Variants in SLC39A13 observed in about 807,000 individuals in gnomAD.
The protein encoded by SLC39A13 is solute carrier family 39 member 13.
A neutral mutation model predicts 38.7 loss-of-function variants in SLC39A13; 18 were observed. The ratio of observed to expected loss-of-function variants is 0.47; its 90% CI spans 0.32 to 0.69. The LOEUF is 0.69. SLC39A13 is among the 30% of genes least tolerant of loss of function. The pLI is 0.03. For synonymous variants in SLC39A13, 212 were observed against 219.1 expected, an observed-to-expected ratio of 0.97 and a Z score of 0.29; for missense variants, 395 against 490.7, an observed-to-expected ratio of 0.80 and a Z score of 1.84.
Position 47,415,678 on chromosome 11 carries a change from C to G in SLC39A13, c.*315C>G, listed in dbSNP as rs558094013. The G allele has an allele frequency of 8.6e-6, 4 of 464,374 alleles. 1 individual carries two copies. In the Admixed American group the frequency reaches 1.3e-4, roughly 15 times the overall value. 28.8% of individuals were successfully genotyped at this position (464,374 alleles called of 1,614,324 possible). A position where few individuals can be genotyped will look rare whatever the true frequency, so the allele number is the denominator to read the frequency against. On this transcript the variant is annotated 3_prime_UTR_variant, in exon 10 of 10. Coordinates refer to ENST00000362021, the MANE Select transcript of SLC39A13 (RefSeq NM_001128225.3). ...GAGTAAGCAGCGAGGAAGAGCAGCA[C>G]TGGTCCCAAGCAGAGGCCTTGCCCT... is the stretch of plus-strand genomic sequence containing the variant.
At chr11:47,412,324 C>G (rs1160106491) in intron 3 of SLC39A13, 22 bp from the exon 4 acceptor site, 1 of 1,608,044 alleles carries the variant, frequency 6.2e-7, no homozygotes, top group African/African-American at 1.3e-5. Context: ...CTGGCCTGGC[C>G]TGGCATTGCC....
intron 4 of SLC39A13, 54 bp downstream of exon 4, chr11:47,412,521 C>A: frequency 5.0e-6 from 8 of 1,611,898 alleles, no homozygotes; most frequent in Non-Finnish European, 5.1e-6. Flanking sequence ...TGTGGTAGTG[C>A]CCGGGGCCTG....
Position 47,413,480 on chromosome 11 carries a change from C to T in SLC39A13, c.618C>T (p.Gly206=). The T allele has an allele frequency of 1.9e-6, 3 of 1,614,076 alleles. No homozygotes were observed. The highest frequency in any genetic ancestry group is 2.5e-6 in the Non-Finnish European group (3 of 1,179,996). Residue 206 remains glycine (G), a synonymous_variant, in exon 5 of 10, where the codon GGC becomes GGT. Transcript: ENST00000362021. ...TGGCCCAGCCGGCTGCAGAGCCCGG[C>T]CTCGGTGCCGTGGTCCGGAGCATCA... The part of the protein sequence containing the change: ...HCLAQPAAEP[G]LGAVVRSIKV...
intron 2 of SLC39A13, among the ~76,000 whole-genome samples, chr11:47,411,349 A>G (rs1240642608): frequency 6.6e-6 from 1 of 152,210 alleles, no homozygotes; most frequent in Non-Finnish European, 1.5e-5. Context: ...TCACAGCTGT[A>G]ATCTCAGCAG....
At chr11:47,409,719 G>T in intron 1 of SLC39A13, 1 of 288,362 alleles carries the variant, frequency 3.5e-6, no homozygotes, top group Non-Finnish European at 6.7e-6. Context: ...AGTCTCTGGG[G>T]TGTCGCGGGC....
At position 47,413,930 on chromosome 11, in the gene SLC39A13, C is replaced by T. The variant is rs2096012534; in HGVS notation, c.735+244C>T. ...GTCAAGCTGCTAGGCGTGGCCCCTG[C>T]CTGCTCCTAGATGCTTCTTCCTCTA... On this transcript the variant is annotated intron_variant, in intron 6 of 9. Coordinates refer to ENST00000362021, the MANE Select transcript of SLC39A13 (RefSeq NM_001128225.3). 7.1e-6 allele frequency: 5 copies of T among 705,580 alleles called. No individual in the cohort carries two copies. The East Asian group carries it at 1.1e-4, about 15-fold the overall frequency. The allele number at this position is 705,580 out of a possible 1,614,324, so 43.7% of individuals were successfully genotyped here.
Position 47,415,496 on chromosome 11 carries a change from G to A in SLC39A13, c.*133G>A. On this transcript the variant is annotated 3_prime_UTR_variant, in exon 10 of 10. Transcript: ENST00000362021. ...TGAGCCTCCCGCCAGACAGGAGGGA[G>A]GTGCGTGTGGATGTATGTGGTGTGC... 1.0e-6 allele frequency: 1 copy of A among 988,802 alleles called. No individual in the cohort carries two copies. Among genetic ancestry groups the A allele is most frequent in the Non-Finnish European group, 1.6e-6 (1 of 636,162 alleles). The allele number at this position is 988,802 out of a possible 1,614,324, so 61.3% of individuals were successfully genotyped here. A position where few individuals can be genotyped will look rare whatever the true frequency, so the allele number is the denominator to read the frequency against.
chr11:47,409,525 G>A (rs549882777), intron 1 of SLC39A13: 1 of 163,104 alleles, frequency 6.1e-6, no homozygotes, highest in Non-Finnish European at 1.3e-5. Flanking sequence ...CTATACAAGA[G>A]AGAGGCATCC....
At chr11:47,408,557 C>T (rs2095981113), upstream of SLC39A13, 1 of 146,348 alleles carries the variant, frequency 6.8e-6, no homozygotes, top group Admixed American at 6.8e-5. Context: ...GGCCCCGGGC[C>T]GGGGGCCGGG....
In SLC39A13 at chr11:47,412,215, TG is replaced by T. The variant is rs1317822626; in HGVS notation, c.416-128del. 4 of 1,366,286 alleles carry T rather than the reference TG, an allele frequency of 2.9e-6. No homozygotes were observed. The African/African-American group carries it at 5.7e-5, about 20-fold the overall frequency. The allele number at this position is 1,366,286 out of a possible 1,614,324, so 84.6% of individuals were successfully genotyped here. ...TGGGCCCTGGTCCCAGTGGGAGTTC[TG>T]GGCCCCAGCTGCCCAACCCACCCTT... On this transcript the variant is annotated intron_variant, in intron 3 of 9. Transcript: ENST00000362021.
intron 4 of SLC39A13, 39 bp from the exon 5 acceptor site, chr11:47,413,361 G>A (rs757888504): frequency 1.5e-5 from 24 of 1,591,530 alleles, no homozygotes; most frequent in Middle Eastern, 1.7e-4. Context: ...TGAGTGGGGG[G>A]CATCTAATGT....
rs751912734 is a variant in SLC39A13 at position 47,414,825 on chromosome 11, G to A, written c.835G>A (p.Ala279Thr). The part of the protein sequence containing the change: ...LLRAGFDRWS[A>T]AKLQLSTALG... The stretch of plus-strand genomic sequence containing the variant: ...CCGGGCCGGCTTTGACCGATGGAGC[G>A]CAGCCAAGCTGCAACTCTCAACAGC... The change falls in exon 8 of 10, where the codon GCA becomes ACA. Residue 279 changes from alanine (A) to threonine (T), a missense_variant. Ala to Thr is a moderately conservative substitution (Grantham distance 58, BLOSUM62 0). Transcript: ENST00000362021. The A allele has an allele frequency of 1.1e-5, 17 of 1,612,078 alleles. No homozygotes were observed. The highest frequency in any genetic ancestry group is 1.2e-5 in the Non-Finnish European group (14 of 1,180,004).
chr11:47,414,683 G>T (rs1473125429), intron 7 of SLC39A13, 94 bp from the exon 8 acceptor site: 2 of 1,582,704 alleles, frequency 1.3e-6, no homozygotes, highest in African/African-American at 1.3e-5. Context: ...GAAGGGTGGG[G>T]AAGGGCAGGG....
At chr11:47,408,407 A>G (rs538997937), upstream of SLC39A13, among the ~76,000 whole-genome samples, 292 of 152,014 alleles carry the variant, frequency 1.9e-3, 1 homozygote, top group Middle Eastern at 0.014. Context: ...GCCCTGCCCA[A>G]ACGGAAGTGC....
chr11:47,415,499 G>A lies in SLC39A13; in HGVS notation c.*136G>A, dbSNP rs1409861779. On this transcript the variant is annotated 3_prime_UTR_variant, in exon 10 of 10. Coordinates refer to ENST00000362021, the MANE Select transcript of SLC39A13 (RefSeq NM_001128225.3). ...GCCTCCCGCCAGACAGGAGGGAGGT[G>A]CGTGTGGATGTATGTGGTGTGCACA... 7 of 953,338 alleles carry A rather than the reference G, an allele frequency of 7.3e-6. No individual in the cohort carries two copies. Among genetic ancestry groups the A allele is most frequent in the East Asian group, 2.5e-5 (1 of 40,092 alleles). The allele number at this position is 953,338 out of a possible 1,614,324, so 59.1% of individuals were successfully genotyped here. A position where few individuals can be genotyped will look rare whatever the true frequency, so the allele number is the denominator to read the frequency against.
intron 1 of SLC39A13, 104 bp from the exon 2 acceptor site, chr11:47,409,983 G>A: frequency 7.2e-7 from 1 of 1,385,138 alleles, no homozygotes; most frequent in Non-Finnish European, 1.0e-6. Flanking sequence ...CAGCAGGAGG[G>A]TGGATGCCAG....
At chr11:47,409,110 C>T (rs2095984314) in intron 1 of SLC39A13, 1 of 152,734 alleles carries the variant, frequency 6.5e-6, no homozygotes, top group Admixed American at 6.5e-5. Flanking sequence ...CCTCCCATCT[C>T]CATCAGAAGG....
intron 1 of SLC39A13, chr11:47,409,498 G>A (rs1205240066): frequency 1.9e-5 from 3 of 155,434 alleles, no homozygotes; most frequent in African/African-American, 4.8e-5. Context: ...TTCACCGTGG[G>A]GGCTCTAAAG....
chr11:47,412,864 C>T (rs1481471400), intron 4 of SLC39A13, among the ~76,000 whole-genome samples: 5 of 147,844 alleles, frequency 3.4e-5, no homozygotes, highest in African/African-American at 7.5e-5. Context: ...CGGGTTCAAG[C>T]GATTCTCCTG....
Sources: gnomAD v4.1 joint callset for allele counts (sites outside exome capture counted in the v4.1 genomes callset) on GRCh38, gnomAD v4.1.1 for gene constraint, MANE v1.5 for transcripts, NCBI Gene and HGNC (gene_info 2026-07-23, HGNC 2026-07-21) for gene names.